The following DAPK1 variants were observed in gnomAD, a reference collection of about 807,000 sequenced individuals.
The protein encoded by DAPK1 is death-associated protein kinase 1.
DAPK1 carries 56 observed loss-of-function variants against 144.9 expected under a neutral mutation model. That is an observed-to-expected ratio of 0.39 (90% confidence interval 0.31 to 0.48). The LOEUF (loss-of-function observed/expected upper bound fraction) is 0.48. Among genes scored for constraint, DAPK1 ranks in the 20% least tolerant of loss-of-function variants. The probability of loss-of-function intolerance (pLI) is 0.95; values close to 1 mark genes in which losing one functional copy is unlikely to be tolerated. For synonymous variants in DAPK1, 690 were observed against 749.0 expected (o/e 0.92, Z 1.29); for missense variants, 1,454 against 1,875.4 (o/e 0.78, Z 4.15).
chr9:87,533,135 C>A (rs1233152172), intron 2 of DAPK1, among the ~76,000 whole-genome samples: 1 of 152,174 alleles, frequency 6.6e-6, no homozygotes, highest in South Asian at 2.1e-4. Flanking sequence ...CACACACACA[C>A]ATTGTAAATT....
chr9:87,642,988 G>C (rs1830146686), intron 10 of DAPK1, among the ~76,000 whole-genome samples: 1 of 152,160 alleles, frequency 6.6e-6, no homozygotes, highest in South Asian at 2.1e-4. Flanking sequence ...AAAGGACACA[G>C]AGCAAGGCCC....
In DAPK1 at chr9:87,497,921, C is replaced by T. The variant is rs1050578106; in HGVS notation, c.-295C>T. On this transcript the variant is annotated 5_prime_UTR_variant, in exon 1 of 26. Coordinates refer to ENST00000408954, the MANE Select transcript of DAPK1 (RefSeq NM_004938.4). ...CGAGCCAACGCCGGGGACTTTGTTCCCTCCGCGGAGGGGACTCGGCAACTC... is the reference window on the plus strand; with the variant it reads ...CGAGCCAACGCCGGGGACTTTGTTCTCTCCGCGGAGGGGACTCGGCAACTC... 1.3e-5 allele frequency: 5 copies of T among 395,746 alleles called. No individual in the cohort carries two copies. Among genetic ancestry groups the T allele is most frequent in the African/African-American group, 2.1e-5 (1 of 48,510 alleles). The allele number at this position is 395,746 out of a possible 1,614,324, so 24.5% of individuals were successfully genotyped here. A position where few individuals can be genotyped will look rare whatever the true frequency, so the allele number is the denominator to read the frequency against.
chr9:87,580,731 C>T (rs896981316), intron 2 of DAPK1, among the ~76,000 whole-genome samples: 5 of 152,186 alleles, frequency 3.3e-5, no homozygotes, highest in African/African-American at 4.8e-5. Context: ...TCGCTTTGGC[C>T]TTATGTGATA....
At chr9:87,605,207 G>A (rs1173999909) in intron 3 of DAPK1, 32 bp downstream of exon 3, 2 of 1,572,598 alleles carry the variant, frequency 1.3e-6, no homozygotes, top group East Asian at 2.3e-5. Context: ...CTGGGGAGAG[G>A]GTGTGGTGGG....
intron 3 of DAPK1, among the ~76,000 whole-genome samples, chr9:87,624,007 G>T (rs982218980): frequency 6.6e-6 from 1 of 152,164 alleles, no homozygotes; most frequent in East Asian, 1.9e-4. Flanking sequence ...CCTCACAAAA[G>T]CTCAAGGAGG....
chr9:87,701,662 G>T (rs1050416048), intron 24 of DAPK1, among the ~76,000 whole-genome samples: 1 of 151,966 alleles, frequency 6.6e-6, no homozygotes, highest in African/African-American at 2.4e-5. Flanking sequence ...GAGGCCTGAG[G>T]ACAAATGCGG....
chr9:87,531,704 T>C (rs1159229751), intron 2 of DAPK1, among the ~76,000 whole-genome samples: 1 of 152,228 alleles, frequency 6.6e-6, no homozygotes, highest in East Asian at 1.9e-4. Flanking sequence ...GTGCTGTCTA[T>C]TGTACATAGC....
intron 2 of DAPK1, among the ~76,000 whole-genome samples, chr9:87,539,673 C>T (rs913075991): frequency 2.6e-5 from 4 of 152,056 alleles, no homozygotes; most frequent in Non-Finnish European, 5.9e-5. Context: ...CCACCTCGGT[C>T]TCCCAAAGTG....
intron 21 of DAPK1, among the ~76,000 whole-genome samples, chr9:87,695,119 C>T (rs532028185): frequency 1.3e-5 from 2 of 152,318 alleles, no homozygotes; most frequent in East Asian, 1.9e-4. Context: ...CTTGGGACCC[C>T]AGGCCCTGCT....
Position 87,578,856 on chromosome 9 carries a change from G to A in DAPK1, c.63-26098G>A, listed in dbSNP as rs149335281. Among the ~76,000 whole-genome samples, 489 of 152,198 alleles carry A rather than the reference G, an allele frequency of 3.2e-3. 2 individuals carry two copies. The highest frequency in any genetic ancestry group is 0.011 in the African/African-American group (468 of 41,542). On this transcript the variant is annotated intron_variant, in intron 2 of 25. Transcript: ENST00000408954. ...TGACAGCTTTAGTTTGGGGATTTTCGTCTTATCTTGGGATTTGAGGCCATC... is the reference window on the plus strand; with the variant it reads ...TGACAGCTTTAGTTTGGGGATTTTCATCTTATCTTGGGATTTGAGGCCATC...
At chr9:87,576,871 T>C (rs898346658) in intron 2 of DAPK1, among the ~76,000 whole-genome samples, 1 of 152,116 alleles carries the variant, frequency 6.6e-6, no homozygotes, top group Non-Finnish European at 1.5e-5. Flanking sequence ...TGGATCTCGG[T>C]TTTAATTGTC....
chr9:87,671,371 A>C (rs1376929771), intron 19 of DAPK1, among the ~76,000 whole-genome samples: 1 of 151,990 alleles, frequency 6.6e-6, no homozygotes, highest in Non-Finnish European at 1.5e-5. Flanking sequence ...AAATACAAAA[A>C]TATAAAATAT....
intron 3 of DAPK1, chr9:87,632,354 AG>A (rs34803191): frequency 1.0e-6 from 1 of 984,202 alleles, no homozygotes; most frequent in Admixed American, 6.2e-5. Flanking sequence ...GTACATATGT[AG>A]GGATGAAGGA....
At chr9:87,703,415 A>G (rs549136735) in intron 25 of DAPK1, among the ~76,000 whole-genome samples, 198 bp downstream of exon 25, 4 of 152,242 alleles carry the variant, frequency 2.6e-5, no homozygotes, top group South Asian at 4.1e-4. Flanking sequence ...TCACCTTAGG[A>G]GCTGTCATTT....
chr9:87,659,786 C>G (rs529382583), intron 18 of DAPK1, among the ~76,000 whole-genome samples: 1 of 152,182 alleles, frequency 6.6e-6, no homozygotes, highest in Non-Finnish European at 1.5e-5. Flanking sequence ...GCACCCGCAG[C>G]GCTCATTCTG....
chr9:87,694,646 GATGAAA>G (rs1825193980), intron 21 of DAPK1, among the ~76,000 whole-genome samples: 1 of 152,200 alleles, frequency 6.6e-6, no homozygotes, highest in Admixed American at 6.5e-5. Flanking sequence ...CCTTGGGGCA[GATGAAA>G]ATGCACAGCC....
intron 2 of DAPK1, among the ~76,000 whole-genome samples, chr9:87,510,399 TATA>T (rs1824790703): frequency 6.6e-6 from 1 of 152,214 alleles, no homozygotes; most frequent in South Asian, 2.1e-4. Context: ...TGAGAGAAGT[TATA>T]ATAACCTGGA....
rs572279036 is a variant in DAPK1, at chr9:87,629,837, C to T, written c.285-8106C>T. Among the ~76,000 whole-genome samples, 229 of 152,256 alleles carry T rather than the reference C, an allele frequency of 1.5e-3. 1 individual carries two copies. The highest frequency in any genetic ancestry group is 5.2e-3 in the African/African-American group (217 of 41,534). ...GAAATCAGGAGCTGGATTCTAAATC[C>T]CCCTTCCCTTGGATCTGGATAGGCC... On this transcript the variant is annotated intron_variant, in intron 3 of 25. Coordinates refer to ENST00000408954, the MANE Select transcript of DAPK1 (RefSeq NM_004938.4).
At chr9:87,499,448 A>G (rs1824315561) in intron 2 of DAPK1, 2 of 420,336 alleles carry the variant, frequency 4.8e-6, no homozygotes, top group Non-Finnish European at 8.5e-6. Flanking sequence ...TGACAACAGG[A>G]CAAACACTAA....
Sources: allele counts gnomAD v4.1 joint callset (sites outside exome capture counted in the v4.1 genomes callset), GRCh38; gene constraint gnomAD v4.1.1; transcripts MANE v1.5; gene names NCBI Gene and HGNC (gene_info 2026-07-23, HGNC 2026-07-21).